The following CCM2 variants were observed in gnomAD, a reference collection of about 807,000 sequenced individuals.
CCM2 encodes cerebral cavernous malformations 2 protein.
Under a neutral mutation model 44.9 loss-of-function variants are expected in CCM2, and 25 were observed. The observed-to-expected ratio is 0.56, with a 90% CI of 0.41 to 0.78. CCM2 has a LOEUF of 0.78. Ranked by LOEUF, CCM2 falls within the 30% of genes least tolerant of loss-of-function variation. The pLI is 0.00. For synonymous variants in CCM2, 219 were observed against 241.1 expected (o/e 0.91, Z 0.85); for missense variants, 481 against 580.6 (o/e 0.83, Z 1.76).
chr7:45,063,809 G>C, intron 2 of CCM2, 109 bp from the exon 3 acceptor site: 1 of 788,624 alleles, frequency 1.3e-6, no homozygotes, highest in Non-Finnish European at 2.3e-6. Context: ...AGACCCATGG[G>C]CCTGGTGGCC....
intron 2 of CCM2, among the ~76,000 whole-genome samples, chr7:45,053,444 G>T (rs1327745362): frequency 3.9e-5 from 6 of 152,196 alleles, no homozygotes; most frequent in African/African-American, 1.2e-4. Flanking sequence ...TTTATATATA[G>T]TAAGCAGCAC....
chr7:45,016,103 A>C (rs1428976723), intron 1 of CCM2, among the ~76,000 whole-genome samples: 3 of 152,220 alleles, frequency 2.0e-5, no homozygotes, highest in African/African-American at 7.2e-5. Flanking sequence ...TATTTCTTAC[A>C]AAGAGTTGCA....
intron 2 of CCM2, among the ~76,000 whole-genome samples, chr7:45,056,990 A>C (rs1798294017): frequency 6.6e-6 from 1 of 152,086 alleles, no homozygotes; most frequent in South Asian, 2.1e-4. Context: ...AATCTTTGTA[A>C]ATATTGTTAG....
rs537321013 is a variant in CCM2, at chr7:45,036,958, G to A, written c.31-1295G>A. On this transcript the variant is annotated intron_variant, in intron 1 of 9. Coordinates refer to ENST00000258781, the MANE Select transcript of CCM2 (RefSeq NM_031443.4). The stretch of plus-strand genomic sequence containing the variant: ...TGTCATCTCCTCCTGCGTTTCCTCT[G>A]TTGAGAGTTATGGAGGAGATGGTGG... Among the ~76,000 whole-genome samples the A allele has an allele frequency of 1.4e-3, 208 of 152,256 alleles. 1 individual carries two copies. Among genetic ancestry groups the A allele is most frequent in the Middle Eastern group, 3.4e-3 (1 of 294 alleles).
chr7:45,073,609 G>T, intron 8 of CCM2, 38 bp downstream of exon 8: 2 of 1,477,308 alleles, frequency 1.4e-6, no homozygotes, highest in South Asian at 2.3e-5. Flanking sequence ...CTGCATGAGG[G>T]AGGGGGTGCC....
chr7:45,010,571 A>G (rs146754403), intron 1 of CCM2, among the ~76,000 whole-genome samples: 271 of 151,836 alleles, frequency 1.8e-3, no homozygotes, highest in African/African-American at 6.2e-3. Context: ...TTTGTTGGAG[A>G]TTTAGTTTCT....
intron 1 of CCM2, 54 bp downstream of exon 1, chr7:45,000,417 GGGGCCAGGGTGGGGT>G: frequency 1.0e-6 from 1 of 955,266 alleles, no homozygotes; most frequent in Non-Finnish European, 1.4e-6. Flanking sequence ...GCTGGGTTGA[GGGGCCAGGGTGGGGT>G]GGGCGGGTGT....
intron 1 of CCM2, among the ~76,000 whole-genome samples, chr7:45,011,217 A>G (rs1233139192): frequency 2.0e-5 from 3 of 148,644 alleles, no homozygotes; most frequent in African/African-American, 7.6e-5. Context: ...TTTTTTTGAG[A>G]CGGAGTCTCA....
intron 2 of CCM2, among the ~76,000 whole-genome samples, chr7:45,042,931 CTCTCT>C (rs546775211): frequency 1.2e-3 from 178 of 151,152 alleles, no homozygotes; most frequent in African/African-American, 3.8e-3. Flanking sequence ...CTCTTCTGTT[CTCTCT>C]TCTCTTCTCT....
chr7:45,074,723 C>T (rs1799260548), intron 9 of CCM2, among the ~76,000 whole-genome samples: 1 of 152,192 alleles, frequency 6.6e-6, no homozygotes. Context: ...GGAGTGAACA[C>T]AACCCTGAGA....
chr7:45,038,604 G>C (rs1365471049), intron 2 of CCM2, among the ~76,000 whole-genome samples, 178 bp downstream of exon 2: 1 of 152,222 alleles, frequency 6.6e-6, no homozygotes, highest in Non-Finnish European at 1.5e-5. Context: ...TGAAAACCCA[G>C]ATTCTGTCTG....
chr7:45,017,788 G>C (rs1292481776), intron 1 of CCM2, among the ~76,000 whole-genome samples: 2 of 152,170 alleles, frequency 1.3e-5, no homozygotes. Context: ...AAGGCATCTT[G>C]TCATGGCTGG....
intron 2 of CCM2, among the ~76,000 whole-genome samples, chr7:45,056,578 T>C (rs1798274279): frequency 6.6e-6 from 1 of 152,252 alleles, no homozygotes; most frequent in Non-Finnish European, 1.5e-5. Flanking sequence ...TAATAACTAT[T>C]GATGTTGAAA....
intron 1 of CCM2, among the ~76,000 whole-genome samples, chr7:45,028,678 A>C (rs1019543664): frequency 9.9e-5 from 15 of 152,030 alleles, no homozygotes; most frequent in African/African-American, 3.4e-4. Context: ...AAAGAAAGAA[A>C]TTAGCCGTGT....
intron 2 of CCM2, among the ~76,000 whole-genome samples, chr7:45,060,516 C>G (rs1481871059): frequency 6.6e-6 from 1 of 152,238 alleles, no homozygotes; most frequent in Admixed American, 6.5e-5. Flanking sequence ...TCTCAGCTCT[C>G]ATTACTCCAA....
intron 5 of CCM2, among the ~76,000 whole-genome samples, chr7:45,069,484 C>T (rs532970344): frequency 6.6e-6 from 1 of 152,328 alleles, no homozygotes; most frequent in Admixed American, 6.5e-5. Flanking sequence ...CTCCTCTCAC[C>T]TCTTTCCTGG....
intron 1 of CCM2, among the ~76,000 whole-genome samples, chr7:45,006,231 C>G (rs4551245): frequency 0.14 from 21,962 of 152,194 alleles, 1,762 homozygotes; most frequent in Admixed American, 0.21. Flanking sequence ...TCTCCTCATT[C>G]CTGCTTCCTG....
Position 45,020,817 on chromosome 7 carries a change from T to C in CCM2, c.31-17436T>C, listed in dbSNP as rs190453175. Among the ~76,000 whole-genome samples the C allele has an allele frequency of 6.9e-3, 1,030 of 150,358 alleles. 25 individuals are homozygous for C. The highest frequency in any genetic ancestry group is 3.8e-3 in the Non-Finnish European group (257 of 67,840). On this transcript the variant is annotated intron_variant, in intron 1 of 9. Transcript: ENST00000258781. ...TATCTCAGAAGAAAGTAGCAAAATA[T>C]ATTATATGAAAAAAATCACACCCAC... is the stretch of plus-strand genomic sequence containing the variant.
At chr7:45,025,542 T>C (rs1458849938) in intron 1 of CCM2, among the ~76,000 whole-genome samples, 1 of 151,210 alleles carries the variant, frequency 6.6e-6, no homozygotes, top group African/African-American at 2.4e-5. Flanking sequence ...TTCTTTTTTT[T>C]TTTTTTTTGA....
Sources: allele counts gnomAD v4.1 joint callset (sites outside exome capture counted in the v4.1 genomes callset), GRCh38; gene constraint gnomAD v4.1.1; transcripts MANE v1.5; gene names NCBI Gene and HGNC (gene_info 2026-07-23, HGNC 2026-07-21).